TWSG1: variants seen among roughly 807,000 people sequenced by gnomAD.
The protein encoded by TWSG1 is twisted gastrulation protein homolog 1.
Under a neutral mutation model 23.0 loss-of-function variants are expected in TWSG1, and 15 were observed. The observed-to-expected ratio is 0.65, with a 90% CI of 0.44 to 1.00. TWSG1 has a LOEUF of 1.00. Ranked by LOEUF, TWSG1 falls within the 50% of genes least tolerant of loss-of-function variation. TWSG1 has a pLI of 0.00. For synonymous variants in TWSG1, 86 were observed against 92.8 expected (o/e 0.93, Z 0.42); for missense variants, 242 against 278.7 (o/e 0.87, Z 0.94).
At chr18:9,375,694 C>T (rs1034819561) in intron 3 of TWSG1, among the ~76,000 whole-genome samples, 1 of 152,096 alleles carries the variant, frequency 6.6e-6, no homozygotes, top group Non-Finnish European at 1.5e-5. Context: ...TACATACCAG[C>T]AATGAACAGT....
At chr18:9,344,026 A>G (rs1170344594) in intron 2 of TWSG1, among the ~76,000 whole-genome samples, 1 of 152,134 alleles carries the variant, frequency 6.6e-6, no homozygotes. Flanking sequence ...TTGGCCTCCC[A>G]AGTAGCTAGC....
chr18:9,393,452 T>C (rs1440476317), intron 3 of TWSG1, among the ~76,000 whole-genome samples: 1 of 152,258 alleles, frequency 6.6e-6, no homozygotes, highest in Non-Finnish European at 1.5e-5. Context: ...GATTAAACAC[T>C]GTGTCACCTT....
Position 9,370,489 on chromosome 18 carries a change from C to G in TWSG1, c.223+10418C>G, listed in dbSNP as rs1568035998. On this transcript the variant is annotated intron_variant, in intron 3 of 4. Transcript: ENST00000262120. Reference sequence around the variant, plus strand: ...GAATTGGTATGCCAAAGGATAATGCCTTATGTACTTTTTTGTTGGGTTTTA... The same window carrying G: ...GAATTGGTATGCCAAAGGATAATGCGTTATGTACTTTTTTGTTGGGTTTTA... Among the ~76,000 whole-genome samples the G allele has an allele frequency of 6.6e-5, 10 of 152,220 alleles. No homozygotes were observed. The South Asian group carries it at 1.9e-3, about 28-fold the overall frequency.
intron 3 of TWSG1, among the ~76,000 whole-genome samples, chr18:9,363,399 C>G (rs2040561956): frequency 1.3e-5 from 2 of 152,064 alleles, no homozygotes; most frequent in East Asian, 1.9e-4. Context: ...ACTACCTGTT[C>G]CAATAGTCAT....
intron 3 of TWSG1, among the ~76,000 whole-genome samples, chr18:9,378,604 A>G (rs769144665): frequency 6.6e-6 from 1 of 152,224 alleles, no homozygotes; most frequent in Non-Finnish European, 1.5e-5. Context: ...AACACTTTTC[A>G]AAGAAATCAG....
intron 3 of TWSG1, among the ~76,000 whole-genome samples, chr18:9,377,724 T>G (rs917134177): frequency 1.3e-5 from 2 of 152,158 alleles, no homozygotes; most frequent in African/African-American, 2.4e-5. Context: ...CTTTAATTTT[T>G]GGGGTTTTGT....
At chr18:9,392,359 C>G (rs2040716718) in intron 3 of TWSG1, among the ~76,000 whole-genome samples, 1 of 152,230 alleles carries the variant, frequency 6.6e-6, no homozygotes, top group South Asian at 2.1e-4. Context: ...ATAGAGATGG[C>G]TTCTTTCCTT....
At chr18:9,361,488 C>T (rs1357194939) in intron 3 of TWSG1, among the ~76,000 whole-genome samples, 2 of 152,162 alleles carry the variant, frequency 1.3e-5, no homozygotes, top group African/African-American at 2.4e-5. Flanking sequence ...TGTAGTTTGC[C>T]TCACGAAAAG....
In TWSG1 at chr18:9,358,638, C is replaced by A. The variant is rs148994603; in HGVS notation, c.124-1334C>A. On this transcript the variant is annotated intron_variant, in intron 2 of 4. Coordinates refer to ENST00000262120, the MANE Select transcript of TWSG1 (RefSeq NM_020648.6). ...GCTTCTGGGAATCAGGCTTCAGTTCCACAAAAGAAAACACTTAAAACTTTA... is the reference window on the plus strand; with the variant it reads ...GCTTCTGGGAATCAGGCTTCAGTTCAACAAAAGAAAACACTTAAAACTTTA... Among the ~76,000 whole-genome samples the A allele has an allele frequency of 5.7e-3, 865 of 152,130 alleles. 10 individuals carry two copies. The highest frequency in any genetic ancestry group is 0.02 in the African/African-American group (830 of 41,492).
intron 3 of TWSG1, among the ~76,000 whole-genome samples, chr18:9,394,915 T>A (rs1409649493): frequency 6.6e-6 from 1 of 152,176 alleles, no homozygotes; most frequent in East Asian, 1.9e-4. Flanking sequence ...AAAATTGGCA[T>A]ACAGCCCTCC....
rs528634915 is a variant in TWSG1, at chr18:9,369,841, G to A, written c.223+9770G>A. ...CCACCATGCCCAGCCCCCTGAGTTCGTTACATATTTTTTATATTAACCGCT... is the reference window on the plus strand; with the variant it reads ...CCACCATGCCCAGCCCCCTGAGTTCATTACATATTTTTTATATTAACCGCT... On this transcript the variant is annotated intron_variant, in intron 3 of 4. Coordinates refer to ENST00000262120, the MANE Select transcript of TWSG1 (RefSeq NM_020648.6). 2.6e-5 allele frequency among the ~76,000 whole-genome samples: 4 copies of A among 152,176 alleles called. No individual in the cohort carries two copies. The South Asian group carries it at 6.2e-4, about 24-fold the overall frequency.
chr18:9,357,129 C>T lies in TWSG1; in HGVS notation c.124-2843C>T, dbSNP rs140624193. Among the ~76,000 whole-genome samples, 10 of 152,224 alleles carry T rather than the reference C, an allele frequency of 6.6e-5. No homozygotes were observed. The East Asian group carries it at 1.9e-3, about 29-fold the overall frequency. ...ACTAAGTTTGAGCCTGTCTGAATCA[C>T]GCATCACCAGTTTTGTGATGAAACA... On this transcript the variant is annotated intron_variant, in intron 2 of 4. Coordinates refer to ENST00000262120, the MANE Select transcript of TWSG1 (RefSeq NM_020648.6).
chr18:9,357,510 G>A (rs778196130), intron 2 of TWSG1, among the ~76,000 whole-genome samples: 4 of 152,202 alleles, frequency 2.6e-5, no homozygotes, highest in Admixed American at 1.3e-4. Context: ...GATGAATTTA[G>A]TAGGGATAAA....
intron 2 of TWSG1, among the ~76,000 whole-genome samples, chr18:9,348,803 TGTTAA>T (rs2040488708): frequency 6.6e-6 from 1 of 152,370 alleles, no homozygotes; most frequent in South Asian, 2.1e-4. Flanking sequence ...GGTTTCTTTT[TGTTAA>T]ATTGGTTTAG....
chr18:9,399,814 T>C lies in TWSG1; in HGVS notation c.*287T>C. On this transcript the variant is annotated 3_prime_UTR_variant, in exon 5 of 5. Coordinates refer to ENST00000262120, the MANE Select transcript of TWSG1 (RefSeq NM_020648.6). ...GAGAATTCCTTGAAAGATCTGAGGT[T>C]TTTAACATGAAGTCTGACGTGGTTT... The C allele has an allele frequency of 4.1e-6, 1 of 243,828 alleles. No homozygotes were observed. The highest frequency in any genetic ancestry group is 1.2e-4 in the South Asian group (1 of 8,408). 15.1% of individuals were successfully genotyped at this position (243,828 alleles called of 1,614,324 possible).
intron 2 of TWSG1, among the ~76,000 whole-genome samples, chr18:9,358,944 G>C (rs1482982630): frequency 6.6e-6 from 1 of 152,194 alleles, no homozygotes; most frequent in African/African-American, 2.4e-5. Flanking sequence ...TTCCATTTCA[G>C]TTGGGTTTGT....
intron 3 of TWSG1, among the ~76,000 whole-genome samples, chr18:9,370,298 CAG>C (rs2040598735): frequency 6.7e-6 from 1 of 150,164 alleles, no homozygotes; most frequent in Non-Finnish European, 1.5e-5. Context: ...AGCCTGGTGA[CAG>C]AGTGAGACTC....
At chr18:9,347,646 C>T (rs1211140315) in intron 2 of TWSG1, among the ~76,000 whole-genome samples, 1 of 152,020 alleles carries the variant, frequency 6.6e-6, no homozygotes, top group African/African-American at 2.4e-5. Flanking sequence ...TTCATTGCTT[C>T]TGTATAGCAT....
At position 9,383,242 on chromosome 18, in the gene TWSG1, T is replaced by C. The variant is rs577334887; in HGVS notation, c.224-13038T>C. On this transcript the variant is annotated intron_variant, in intron 3 of 4. Transcript: ENST00000262120. The stretch of plus-strand genomic sequence containing the variant: ...TGGAGTCTTGCTCTGTCACCCAGGC[T>C]GAGGTGCAGAGGTGTGATCTTGGCC... Among the ~76,000 whole-genome samples the C allele has an allele frequency of 2.2e-4, 32 of 145,640 alleles. No homozygotes were observed. In the East Asian group the frequency reaches 6.5e-3, roughly 29 times the overall value.
Sources: gnomAD v4.1 joint callset for allele counts (sites outside exome capture counted in the v4.1 genomes callset) on GRCh38, gnomAD v4.1.1 for gene constraint, MANE v1.5 for transcripts, NCBI Gene and HGNC (gene_info 2026-07-23, HGNC 2026-07-21) for gene names.